The following ASPSCR1 variants were observed in gnomAD, a reference collection of about 807,000 sequenced individuals.
The protein encoded by ASPSCR1 is tether containing UBX domain for GLUT4.
In ASPSCR1, 55 loss-of-function variants were observed where a neutral mutation model predicts 68.9. That is an observed-to-expected ratio of 0.80 (90% CI 0.64 to 1.00). The LOEUF is 1.00. Among genes scored for constraint, ASPSCR1 ranks in the 50% least tolerant of loss-of-function variants. ASPSCR1 has a pLI of 0.00. For synonymous variants in ASPSCR1, 352 were observed against 332.6 expected (o/e 1.06, Z -0.63); for missense variants, 765 against 762.2 (o/e 1.00, Z -0.04).
chr17:81,979,924 C>A (rs1032957635), intron 2 of ASPSCR1, among the ~76,000 whole-genome samples: 2 of 152,216 alleles, frequency 1.3e-5, no homozygotes, highest in African/African-American at 4.8e-5. Flanking sequence ...ATAGGATGTG[C>A]GTGTCTATCC....
chr17:81,985,259 C>T (rs758323830), intron 3 of ASPSCR1, among the ~76,000 whole-genome samples: 22 of 151,954 alleles, frequency 1.4e-4, no homozygotes, highest in Non-Finnish European at 2.6e-4. Context: ...TATGCACACA[C>T]GCACGCACAC....
chr17:82,010,756 G>T, intron 9 of ASPSCR1, 46 bp from the exon 10 acceptor site: 1 of 1,586,396 alleles, frequency 6.3e-7, no homozygotes. Context: ...CTGGTCCCTG[G>T]TGCAGCTCCG....
chr17:81,997,105 C>CGCTCCGGGATGAGGCCGTGTGG (rs71166182), intron 7 of ASPSCR1, among the ~76,000 whole-genome samples: 74,127 of 142,214 alleles, frequency 0.52, 20,263 homozygotes, highest in Non-Finnish European at 0.6. Flanking sequence ...AGGCCGTGTC[C>CGCTCCGGGATGAGGCCGTGTGG]GCTCCGGGAT....
At chr17:82,008,755 T>C (rs2042807923) in intron 7 of ASPSCR1, 3 of 367,064 alleles carry the variant, frequency 8.2e-6, no homozygotes, top group East Asian at 8.5e-5. Flanking sequence ...CCAGGGGCCA[T>C]GTGCCCTGCT....
chr17:81,994,458 G>A (rs910965406), intron 4 of ASPSCR1, among the ~76,000 whole-genome samples: 3 of 152,216 alleles, frequency 2.0e-5, no homozygotes, highest in Non-Finnish European at 2.9e-5. Flanking sequence ...GAGTACAGGT[G>A]TCCGTGAGCC....
At chr17:82,017,237 C>T (rs569237625) in intron 15 of ASPSCR1, 72 bp from the exon 16 acceptor site, 57 of 1,600,896 alleles carry the variant, frequency 3.6e-5, no homozygotes, top group Admixed American at 3.2e-4. Flanking sequence ...GTGCTTCAGC[C>T]GGGCTGGTGG....
At chr17:81,992,379 A>G (rs919292285) in intron 4 of ASPSCR1, among the ~76,000 whole-genome samples, 1 of 152,112 alleles carries the variant, frequency 6.6e-6, no homozygotes, top group African/African-American at 2.4e-5. Flanking sequence ...GAGGGAGGGA[A>G]TCTGATCCCT....
intron 11 of ASPSCR1, among the ~76,000 whole-genome samples, chr17:82,011,891 T>G (rs1396977945): frequency 2.6e-5 from 4 of 152,056 alleles, no homozygotes; most frequent in African/African-American, 9.7e-5. Flanking sequence ...CCCCTGGGGC[T>G]CAGGCCACTC....
At chr17:82,012,931 C>T (rs2042998974) in intron 12 of ASPSCR1, 1 of 153,610 alleles carries the variant, frequency 6.5e-6, no homozygotes, top group Non-Finnish European at 1.4e-5. Context: ...TGCCTGGGGC[C>T]TTCCGAAGCC....
At position 81,977,652 on chromosome 17, in the gene ASPSCR1, G is replaced by A; in HGVS notation, c.6G>A (p.Ala2=). 1 of 1,395,078 alleles carries A rather than the reference G, an allele frequency of 7.2e-7. No individual in the cohort carries two copies. Among genetic ancestry groups the A allele is most frequent in the South Asian group, 1.5e-5 (1 of 68,622 alleles). The allele number at this position is 1,395,078 out of a possible 1,614,324, so 86.4% of individuals were successfully genotyped here. ...GCGGGTCACGTGAGCGGAAAATGGC[G>A]GCCCCGGCAGGCGGCGGAGGCTCCG... M[A]APAGGGGSAV... is the part of the protein sequence containing the mutation. Residue 2 remains alanine (A), a synonymous_variant, in exon 1 of 16, where the codon GCG becomes GCA. Coordinates refer to ENST00000306739, the MANE Select transcript of ASPSCR1 (RefSeq NM_024083.4). The surrounding 1 kb of genome is among the most constrained non-coding windows in gnomAD (Gnocchi z 5.0).
intron 5 of ASPSCR1, 32 bp downstream of exon 5, chr17:81,994,910 CG>C (rs1216481203): frequency 1.0e-5 from 16 of 1,587,974 alleles, no homozygotes; most frequent in Non-Finnish European, 1.4e-5. Context: ...ACCCAGTCCC[CG>C]CTCACTTTCA....
chr17:82,014,871 C>A, intron 12 of ASPSCR1: 1 of 663,012 alleles, frequency 1.5e-6, no homozygotes, highest in African/African-American at 1.8e-5. Context: ...TAGGGAGGGG[C>A]CGGCTCCAGG....
intron 4 of ASPSCR1, among the ~76,000 whole-genome samples, chr17:81,993,661 G>A (rs1489172955): frequency 6.6e-6 from 1 of 152,254 alleles, no homozygotes; most frequent in East Asian, 1.9e-4. Flanking sequence ...GCATGGATGT[G>A]CACGTATGTC....
At chr17:81,984,362 G>A (rs2041894494) in intron 3 of ASPSCR1, among the ~76,000 whole-genome samples, 1 of 152,060 alleles carries the variant, frequency 6.6e-6, no homozygotes, top group Non-Finnish European at 1.5e-5. Flanking sequence ...CAGATCACCT[G>A]AGGTCAGGAG....
In ASPSCR1 at chr17:82,016,353, G is replaced by A. The variant is rs1475886380; in HGVS notation, c.1354-123G>A. On this transcript the variant is annotated intron_variant, in intron 12 of 15. Coordinates refer to ENST00000306739, the MANE Select transcript of ASPSCR1 (RefSeq NM_024083.4). ...GGAAGCTGGGCGATGGGCTCATGGG[G>A]GCCGGGCAGGCAGAGCCTGTCTGAG... 8 of 868,542 alleles carry A rather than the reference G, an allele frequency of 9.2e-6. No individual in the cohort carries two copies. In the African/African-American group the frequency reaches 1.2e-4, roughly 13 times the overall value. The allele number at this position is 868,542 out of a possible 1,614,324, so 53.8% of individuals were successfully genotyped here. A position where few individuals can be genotyped will look rare whatever the true frequency, so the allele number is the denominator to read the frequency against.
rs777104948 is a variant in ASPSCR1 at position 81,985,547 on chromosome 17, A to C, written c.314A>C (p.Gln105Pro). 1.2e-6 allele frequency: 2 copies of C among 1,614,072 alleles called. No homozygotes were observed. Among genetic ancestry groups the C allele is most frequent in the East Asian group, 2.2e-5 (1 of 44,890 alleles). Residue 105 changes from glutamine to proline, a missense_variant, in exon 4 of 16, where the codon CAG (glutamine) becomes CCG (proline). Gln to Pro is a moderately conservative substitution (Grantham distance 76). Transcript: ENST00000306739. ...CAGCTGGACGATGGCTCGAGGTTGC[A>C]GGACTCTTTCTGTTCAGGCCAGACC... ...ALQLDDGSRL[Q>P]DSFCSGQTLW...
At chr17:81,995,582 GCCCGATCCCTGCCCAC>G in intron 5 of ASPSCR1, 1 of 376,592 alleles carries the variant, frequency 2.7e-6, no homozygotes, top group South Asian at 2.5e-5. Context: ...GGCCAGCCAG[GCCCGATCCCTGCCCAC>G]CCCGAGCTGA....
rs200865502 is a variant in ASPSCR1, at chr17:82,009,150, G to T, written c.1047G>T (p.Val349=). ...ELPDEFFELT[V]DDVRRRLAQL... ...CTGATGAGTTCTTTGAGCTGACGGT[G>T]GACGACGTGAGAAGACGCTTGGCCC... Residue 349 remains valine, a synonymous_variant, in exon 8 of 16, where the codon GTG becomes GTT. Coordinates refer to ENST00000306739, the MANE Select transcript of ASPSCR1 (RefSeq NM_024083.4). 2 of 1,610,770 alleles carry T rather than the reference G, an allele frequency of 1.2e-6. No homozygotes were observed. The highest frequency in any genetic ancestry group is 4.5e-5 in the East Asian group (2 of 44,800).
At chr17:82,004,018 C>T (rs747868020) in intron 7 of ASPSCR1, among the ~76,000 whole-genome samples, 1 of 152,212 alleles carries the variant, frequency 6.6e-6, no homozygotes, top group Non-Finnish European at 1.5e-5. Context: ...AAAACACAAA[C>T]CCTCAGAGAC....
Sources: allele counts gnomAD v4.1 joint callset (sites outside exome capture counted in the v4.1 genomes callset), GRCh38; gene constraint gnomAD v4.1.1; non-coding constraint Gnocchi (gnomAD v3.1); transcripts MANE v1.5; gene names NCBI Gene and HGNC (gene_info 2026-07-23, HGNC 2026-07-21).